The following SMYD3 variants were observed in gnomAD, a reference collection of about 807,000 sequenced individuals.
SMYD3 encodes the protein SET and MYND domain containing 3, also known as histone-lysine N-methyltransferase SMYD3.
In SMYD3, 36 loss-of-function variants were observed where a neutral mutation model predicts 57.7. The observed-to-expected ratio is 0.62, with a 90% CI of 0.48 to 0.82. The LOEUF (loss-of-function observed/expected upper bound fraction) is 0.82. SMYD3 is among the 40% of genes least tolerant of loss of function. SMYD3 has a pLI of 0.00. For missense variants in SMYD3, 515 were observed against 538.8 expected (o/e 0.96, Z 0.44); for synonymous variants, 211 against 195.0 (o/e 1.08, Z -0.68).
Position 246,174,895 on chromosome 1 carries a change from G to A in SMYD3, c.531+152306C>T, listed in dbSNP as rs375554855. On this transcript the variant is annotated intron_variant, in intron 5 of 11. Transcript: ENST00000490107. ...ATAACGTTTGCTCTGATCACCAGTC[G>A]ATGAATCTCTGCTGCTTTTAGAAAT... 1.4e-4 allele frequency among the ~76,000 whole-genome samples: 21 copies of A among 152,268 alleles called. No homozygotes were observed. In the South Asian group the frequency reaches 3.1e-3, roughly 23 times the overall value.
At chr1:246,169,640 G>A (rs1233677288) in intron 5 of SMYD3, among the ~76,000 whole-genome samples, 1 of 152,082 alleles carries the variant, frequency 6.6e-6, no homozygotes, top group African/African-American at 2.4e-5. Flanking sequence ...CGGGTGCGGT[G>A]GCTCGGGCCT....
At chr1:246,083,635 C>A (rs2060680031) in intron 5 of SMYD3, among the ~76,000 whole-genome samples, 1 of 152,208 alleles carries the variant, frequency 6.6e-6, no homozygotes. Flanking sequence ...GCCACCCCTT[C>A]AGTTTTGTCT....
chr1:245,838,353 T>C (rs1027753444), intron 10 of SMYD3, among the ~76,000 whole-genome samples: 2 of 152,130 alleles, frequency 1.3e-5, no homozygotes, highest in Non-Finnish European at 2.9e-5. Flanking sequence ...GCTGGTGTCC[T>C]GGGAATAGGC....
chr1:245,921,547 G>GTACATATATATA (rs1491323831), intron 7 of SMYD3, among the ~76,000 whole-genome samples: 5 of 35,084 alleles, frequency 1.4e-4, no homozygotes, highest in African/African-American at 3.2e-4. Context: ...AAAAAATGTG[G>GTACATATATATA]TGTATATATA....
intron 5 of SMYD3, among the ~76,000 whole-genome samples, chr1:245,956,649 C>A (rs1315767779): frequency 1.3e-5 from 2 of 152,202 alleles, no homozygotes; most frequent in Admixed American, 6.5e-5. Context: ...TTGTCTCCCT[C>A]CTTCTACTTC....
chr1:246,029,440 G>A (rs1173729642), intron 5 of SMYD3, among the ~76,000 whole-genome samples: 1 of 152,064 alleles, frequency 6.6e-6, no homozygotes, highest in East Asian at 1.9e-4. Flanking sequence ...GGGAGACAGA[G>A]GCGGGCAGAT....
intron 5 of SMYD3, among the ~76,000 whole-genome samples, chr1:246,319,978 T>C (rs567313681): frequency 3.9e-5 from 6 of 152,338 alleles, no homozygotes; most frequent in African/African-American, 1.2e-4. Flanking sequence ...ATGATCACTC[T>C]AAATGTAAAG....
intron 5 of SMYD3, among the ~76,000 whole-genome samples, chr1:246,038,350 A>G (rs554048466): frequency 2.6e-5 from 4 of 152,326 alleles, no homozygotes; most frequent in Non-Finnish European, 5.9e-5. Flanking sequence ...CCATGCTACC[A>G]CCAAGAGTCT....
intron 1 of SMYD3, among the ~76,000 whole-genome samples, chr1:246,456,562 C>A (rs1001340745): frequency 2.0e-5 from 3 of 152,188 alleles, no homozygotes; most frequent in Non-Finnish European, 4.4e-5. Context: ...ACCCCAGGAG[C>A]ATTAGGCAGT....
chr1:245,755,150 A>C (rs1199459305), intron 11 of SMYD3, among the ~76,000 whole-genome samples: 2 of 152,228 alleles, frequency 1.3e-5, no homozygotes, highest in Non-Finnish European at 1.5e-5. Flanking sequence ...CCCAAGTCCC[A>C]ATGTGTTGTA....
intron 1 of SMYD3, among the ~76,000 whole-genome samples, chr1:246,409,020 G>C (rs1395737251): frequency 8.3e-6 from 1 of 120,696 alleles, no homozygotes; most frequent in Non-Finnish European, 2.0e-5. Flanking sequence ...CCCACTTTTT[G>C]ATGGGTTTTT....
At chr1:246,268,097 G>C (rs897987929) in intron 5 of SMYD3, among the ~76,000 whole-genome samples, 1 of 152,126 alleles carries the variant, frequency 6.6e-6, no homozygotes, top group East Asian at 1.9e-4. Context: ...ACAGGAGCTG[G>C]GTAAAATGAA....
At chr1:245,916,893 C>A (rs2147781853) in intron 7 of SMYD3, among the ~76,000 whole-genome samples, 1 of 152,282 alleles carries the variant, frequency 6.6e-6, no homozygotes, top group South Asian at 2.1e-4. Flanking sequence ...AAAGTATGGT[C>A]CCCGCATTGG....
intron 10 of SMYD3, among the ~76,000 whole-genome samples, chr1:245,766,492 C>T (rs1415414320): frequency 6.6e-6 from 1 of 151,184 alleles, no homozygotes; most frequent in Non-Finnish European, 1.5e-5. Context: ...TTCATCTCTT[C>T]AGTATGCCAA....
At chr1:246,048,185 A>G (rs1258755683) in intron 5 of SMYD3, among the ~76,000 whole-genome samples, 1 of 152,224 alleles carries the variant, frequency 6.6e-6, no homozygotes, top group Non-Finnish European at 1.5e-5. Flanking sequence ...CCTCAAGAAC[A>G]TGCAAACTCA....
chr1:246,446,126 A>G (rs780737352), intron 1 of SMYD3, among the ~76,000 whole-genome samples: 2 of 152,208 alleles, frequency 1.3e-5, no homozygotes, highest in African/African-American at 2.4e-5. Flanking sequence ...AATTGCCTCT[A>G]AAATAAAGAC....
intron 5 of SMYD3, among the ~76,000 whole-genome samples, chr1:246,320,978 T>C (rs907034833): frequency 3.3e-5 from 5 of 152,364 alleles, no homozygotes; most frequent in Admixed American, 2.0e-4. Flanking sequence ...TACTTTTACA[T>C]TTCCCACGTG....
At chr1:246,459,257 C>T (rs1243786901) in intron 1 of SMYD3, among the ~76,000 whole-genome samples, 1 of 147,134 alleles carries the variant, frequency 6.8e-6, no homozygotes, top group South Asian at 2.2e-4. Context: ...CTCTGCTGTT[C>T]TCGTGATAGA....
intron 5 of SMYD3, among the ~76,000 whole-genome samples, chr1:246,099,995 C>T (rs1436568720): frequency 1.3e-5 from 2 of 152,138 alleles, no homozygotes; most frequent in African/African-American, 4.8e-5. Context: ...TCGGAATGTG[C>T]TAGGATATAT....
Sources: allele counts gnomAD v4.1 joint callset (sites outside exome capture counted in the v4.1 genomes callset), GRCh38; gene constraint gnomAD v4.1.1; transcripts MANE v1.5; gene names NCBI Gene and HGNC (gene_info 2026-07-23, HGNC 2026-07-21).